The following BBIP1 variants were observed in gnomAD, a reference collection of about 807,000 sequenced individuals.
BBIP1 encodes BBSome interacting protein 1, also known as BBSome-interacting protein 1.
In BBIP1, 6 loss-of-function variants were observed where a neutral mutation model predicts 8.9. That is an observed-to-expected ratio of 0.67 (90% CI 0.37 to 1.33). BBIP1 has a LOEUF of 1.33. Ranked by LOEUF, BBIP1 falls within the 40% of genes most tolerant of loss-of-function variation. The pLI is 0.02. For missense variants in BBIP1, 111 were observed against 109.2 expected (o/e 1.02, Z -0.07); for synonymous variants, 32 against 33.4 (o/e 0.96, Z 0.14).
At chr10:110,901,865 GA>G in intron 2 of BBIP1, 1 of 423,220 alleles carries the variant, frequency 2.4e-6, no homozygotes, top group Non-Finnish European at 4.4e-6. Context: ...CTCTCATAGT[GA>G]AAACTTGGTA....
intron 2 of BBIP1, chr10:110,902,846 T>C (rs1190226248): frequency 6.6e-6 from 1 of 152,000 alleles, no homozygotes; most frequent in East Asian, 1.9e-4. Flanking sequence ...AATACACAAT[T>C]TCCTTAGACT....
intron 2 of BBIP1, among the ~76,000 whole-genome samples, chr10:110,916,471 T>A (rs1028604463): frequency 1.3e-5 from 2 of 152,210 alleles, no homozygotes; most frequent in African/African-American, 4.8e-5. Context: ...ATAATCTTGA[T>A]TTTGCAATTT....
At chr10:110,914,866 G>A (rs916793965) in intron 2 of BBIP1, among the ~76,000 whole-genome samples, 2 of 152,160 alleles carry the variant, frequency 1.3e-5, no homozygotes, top group African/African-American at 4.8e-5. Context: ...TCCTACTCAT[G>A]CAAAATGTCT....
chr10:110,912,269 G>C (rs761199882), intron 2 of BBIP1: 8 of 150,862 alleles, frequency 5.3e-5, no homozygotes, highest in Non-Finnish European at 1.2e-4. Flanking sequence ...TTTGACTCTA[G>C]ATTTTGTTTA....
At chr10:110,912,940 T>C (rs981620360) in intron 2 of BBIP1, among the ~76,000 whole-genome samples, 3 of 152,212 alleles carry the variant, frequency 2.0e-5, no homozygotes, top group Non-Finnish European at 4.4e-5. Context: ...TCCTTGAGCA[T>C]ATCCTAGGAT....
At chr10:110,908,116 A>T (rs1183664162) in intron 2 of BBIP1, 1 of 189,530 alleles carries the variant, frequency 5.3e-6, no homozygotes, top group Non-Finnish European at 1.1e-5. Context: ...CAAATAACTA[A>T]TTTTGAAATT....
intron 2 of BBIP1, among the ~76,000 whole-genome samples, chr10:110,915,209 T>A (rs1314283550): frequency 6.6e-6 from 1 of 152,132 alleles, no homozygotes. Context: ...CAGGCTAGAG[T>A]GCAGTCGTGC....
chr10:110,909,426 C>T (rs1017318654), intron 2 of BBIP1, among the ~76,000 whole-genome samples: 4 of 152,116 alleles, frequency 2.6e-5, no homozygotes, highest in Admixed American at 2.6e-4. Context: ...GATCTCCTGA[C>T]CTCGTGATCC....
chr10:110,900,918 T>C (rs1425940087), intron 3 of BBIP1: 3 of 218,076 alleles, frequency 1.4e-5, no homozygotes, highest in African/African-American at 7.1e-5. Flanking sequence ...CTTTTCTTAC[T>C]GTTGCTTCAG....
intron 2 of BBIP1, among the ~76,000 whole-genome samples, chr10:110,917,144 G>A (rs1846425597): frequency 6.6e-6 from 1 of 151,258 alleles, no homozygotes; most frequent in Non-Finnish European, 1.5e-5. Context: ...GAAAAAAGAT[G>A]GGGGAACTCT....
At chr10:110,918,040 A>C (rs1846466965) in intron 2 of BBIP1, 81 bp downstream of exon 2, 2 of 1,269,332 alleles carry the variant, frequency 1.6e-6, no homozygotes, top group African/African-American at 3.0e-5. Context: ...TGTAAGTACT[A>C]AGGAAGCAGA....
At chr10:110,917,020 A>G (rs1163707999) in intron 2 of BBIP1, among the ~76,000 whole-genome samples, 1 of 152,206 alleles carries the variant, frequency 6.6e-6, no homozygotes, top group Non-Finnish European at 1.5e-5. Context: ...CTTGCAAAAA[A>G]AATGTTCAGC....
rs561641692 is a variant in BBIP1, at chr10:110,905,314, A to G, written c.38-3702T>C. Among the ~76,000 whole-genome samples the G allele has an allele frequency of 2.0e-5, 3 of 152,180 alleles. No individual in the cohort carries two copies. In the East Asian group the frequency reaches 5.8e-4, roughly 29 times the overall value. On this transcript the variant is annotated intron_variant, in intron 2 of 3. Transcript: ENST00000448814. ...CGCGGTGGCTCACACCTGTAATCCCAGCACTTTGGGAGGCCAGGCGGACGG... is the reference window on the plus strand; with the variant it reads ...CGCGGTGGCTCACACCTGTAATCCCGGCACTTTGGGAGGCCAGGCGGACGG...
At chr10:110,905,015 A>C (rs771636944) in intron 2 of BBIP1, 4 of 152,216 alleles carry the variant, frequency 2.6e-5, no homozygotes, top group Middle Eastern at 3.2e-3. Flanking sequence ...CTTTTCTTAC[A>C]CAGATTCTAA....
chr10:110,911,399 C>G (rs1846272171), intron 2 of BBIP1: 2 of 152,026 alleles, frequency 1.3e-5, no homozygotes, highest in Admixed American at 1.3e-4. Context: ...CTTTAGTTAG[C>G]CTAGTGGCTC....
chr10:110,918,676 G>A (rs2134055476), intron 1 of BBIP1, among the ~76,000 whole-genome samples: 1 of 152,326 alleles, frequency 6.6e-6, no homozygotes, highest in East Asian at 1.9e-4. Flanking sequence ...CTGTAGAGCG[G>A]CCTCACCCCA....
chr10:110,901,692 G>T, intron 2 of BBIP1, 80 bp from the exon 3 acceptor site: 3 of 1,114,474 alleles, frequency 2.7e-6, no homozygotes, highest in East Asian at 2.6e-5. Context: ...AGTTTAAGAA[G>T]TAAAATCCAA....
intron 2 of BBIP1, chr10:110,901,815 TGTG>T (rs1846011417): frequency 1.1e-5 from 6 of 551,410 alleles, no homozygotes; most frequent in South Asian, 6.3e-5. Flanking sequence ...ATTAGTCAGT[TGTG>T]GTGTTAACTA....
At chr10:110,903,133 G>T (rs962773835) in intron 2 of BBIP1, 4 of 152,156 alleles carry the variant, frequency 2.6e-5, no homozygotes, top group Admixed American at 6.5e-5. Flanking sequence ...AAATGTGAAG[G>T]AAATACATAG....
Sources: allele counts gnomAD v4.1 joint callset (sites outside exome capture counted in the v4.1 genomes callset), GRCh38; gene constraint gnomAD v4.1.1; transcripts MANE v1.5; gene names NCBI Gene and HGNC (gene_info 2026-07-23, HGNC 2026-07-21).